AP2B1: variants seen among roughly 807,000 people sequenced by gnomAD.
AP2B1 encodes adaptor related protein complex 2 subunit beta 1.
AP2B1 carries 23 observed loss-of-function variants against 102.0 expected under a neutral mutation model. The observed-to-expected ratio is 0.23, with a 90% CI of 0.16 to 0.32. The LOEUF (loss-of-function observed/expected upper bound fraction) is 0.32. AP2B1 is among the 10% of genes least tolerant of loss of function. The pLI is 1.00. For synonymous variants in AP2B1, 381 were observed against 421.2 expected (o/e 0.90, Z 1.17); for missense variants, 541 against 1,157.4 (o/e 0.47, Z 7.73).
At position 35,644,852 on chromosome 17, in the gene AP2B1, C is replaced by T. The variant is rs1400575907; in HGVS notation, c.1536+2877C>T. On this transcript the variant is annotated intron_variant, in intron 12 of 21. Transcript: ENST00000610402. ...AATTCGACCAGCCTGTGCAACATGG[C>T]AAAATCCCATCTCTACAAAAAATAC... 3.9e-5 allele frequency among the ~76,000 whole-genome samples: 6 copies of T among 151,978 alleles called. No individual in the cohort carries two copies. In the East Asian group the frequency reaches 1.2e-3, roughly 29 times the overall value.
At chr17:35,611,328 A>G (rs1361957343) in intron 5 of AP2B1, among the ~76,000 whole-genome samples, 2 of 152,210 alleles carry the variant, frequency 1.3e-5, no homozygotes, top group African/African-American at 4.8e-5. Flanking sequence ...GGAATGGCTC[A>G]AAGGGAAAAT....
Position 35,676,791 on chromosome 17 carries a change from A to C in AP2B1, c.2324+2470A>C, listed in dbSNP as rs34184070. On this transcript the variant is annotated intron_variant, in intron 17 of 21. Transcript: ENST00000610402. ...ATTTTTTAAAATAAGCATATTGGTC[A>C]TATATATCTTTCACTTAAGTATCAG... Among the ~76,000 whole-genome samples the C allele has an allele frequency of 9.9e-5, 15 of 151,802 alleles. No individual in the cohort carries two copies. In the South Asian group the frequency reaches 2.7e-3, roughly 27 times the overall value.
At chr17:35,624,195 G>A (rs924154932) in intron 5 of AP2B1, among the ~76,000 whole-genome samples, 8 of 152,096 alleles carry the variant, frequency 5.3e-5, no homozygotes, top group African/African-American at 1.7e-4. Flanking sequence ...TTAATTCTGG[G>A]TTGCCTTACC....
chr17:35,634,373 C>G (rs192846582), intron 9 of AP2B1, among the ~76,000 whole-genome samples: 1 of 151,986 alleles, frequency 6.6e-6, no homozygotes, highest in Admixed American at 6.6e-5. Flanking sequence ...GCAAGAATAC[C>G]TATTGGGTGA....
chr17:35,603,804 T>C (rs1232945388), intron 3 of AP2B1, among the ~76,000 whole-genome samples: 1 of 152,218 alleles, frequency 6.6e-6, no homozygotes, highest in African/African-American at 2.4e-5. Context: ...TGAAGAATTA[T>C]TGTTCCTTTT....
intron 18 of AP2B1, among the ~76,000 whole-genome samples, chr17:35,700,715 T>G (rs1194419176): frequency 6.6e-6 from 1 of 152,220 alleles, no homozygotes; most frequent in African/African-American, 2.4e-5. Context: ...TGTCCCACCA[T>G]AAAGAGATTG....
intron 18 of AP2B1, among the ~76,000 whole-genome samples, chr17:35,696,790 A>G (rs1170563992): frequency 6.6e-6 from 1 of 152,116 alleles, no homozygotes; most frequent in Non-Finnish European, 1.5e-5. Flanking sequence ...TTTAATTACT[A>G]CTTAATTATT....
At position 35,691,686 on chromosome 17, in the gene AP2B1, G is replaced by A. The variant is rs865873642; in HGVS notation, c.2454+8862G>A. On this transcript the variant is annotated intron_variant, in intron 18 of 21. Transcript: ENST00000610402. Reference sequence around the variant, plus strand: ...CCCACGTCAGACAGTTGGATCCAGCGTTGGATCTACTATCCAAATGATCCC... The same window carrying A: ...CCCACGTCAGACAGTTGGATCCAGCATTGGATCTACTATCCAAATGATCCC... Among the ~76,000 whole-genome samples the A allele has an allele frequency of 4.6e-5, 7 of 152,276 alleles. No individual in the cohort carries two copies. In the South Asian group the frequency reaches 1.0e-3, roughly 23 times the overall value.
chr17:35,682,499 C>A (rs775627492), intron 17 of AP2B1, among the ~76,000 whole-genome samples, 196 bp from the exon 18 acceptor site: 24 of 151,792 alleles, frequency 1.6e-4, no homozygotes, highest in Non-Finnish European at 2.6e-4. Flanking sequence ...CCCGCCACCA[C>A]GCCCGGCTAA....
intron 18 of AP2B1, among the ~76,000 whole-genome samples, chr17:35,687,552 A>G (rs1432132023): frequency 6.7e-6 from 1 of 149,202 alleles, no homozygotes; most frequent in Non-Finnish European, 1.5e-5. Flanking sequence ...GTTTACATCA[A>G]TTTTTTTTTT....
chr17:35,677,178 T>A (rs2075721078), intron 17 of AP2B1, among the ~76,000 whole-genome samples: 2 of 152,252 alleles, frequency 1.3e-5, no homozygotes, highest in South Asian at 4.2e-4. Context: ...GTTGTAGAGA[T>A]GGGGTCCCAC....
In AP2B1 at chr17:35,662,706, C is replaced by G. The variant is rs535628696; in HGVS notation, c.1989+4915C>G. 3.3e-5 allele frequency among the ~76,000 whole-genome samples: 5 copies of G among 152,178 alleles called. No homozygotes were observed. In the South Asian group the frequency reaches 1.0e-3, roughly 32 times the overall value. On this transcript the variant is annotated intron_variant, in intron 14 of 21. Coordinates refer to ENST00000610402, the MANE Select transcript of AP2B1 (RefSeq NM_001030006.2). ...TGTTATGTGCTCATGAGTCTGACAT[C>G]TGCGAGGATCACTGAAGTAATAATT... is the stretch of plus-strand genomic sequence containing the variant.
intron 18 of AP2B1, among the ~76,000 whole-genome samples, chr17:35,695,646 T>C (rs1024161861): frequency 4.6e-5 from 7 of 152,160 alleles, no homozygotes; most frequent in African/African-American, 1.7e-4. Flanking sequence ...GACCAATCTT[T>C]TTTATTGGCC....
intron 11 of AP2B1, among the ~76,000 whole-genome samples, chr17:35,641,535 G>A (rs1447118706): frequency 6.6e-6 from 1 of 152,118 alleles, no homozygotes; most frequent in East Asian, 1.9e-4. Flanking sequence ...CTATGGATGT[G>A]CAGCCTGGGC....
At chr17:35,628,351 C>G (rs1226352128) in intron 9 of AP2B1, among the ~76,000 whole-genome samples, 2 of 152,154 alleles carry the variant, frequency 1.3e-5, no homozygotes, top group Non-Finnish European at 2.9e-5. Flanking sequence ...CCTGTAATCC[C>G]AGCACTTTGG....
intron 14 of AP2B1, among the ~76,000 whole-genome samples, chr17:35,661,255 C>G (rs1214445303): frequency 6.6e-6 from 1 of 152,080 alleles, no homozygotes; most frequent in Non-Finnish European, 1.5e-5. Flanking sequence ...AAAATACTAT[C>G]AATACTTGAG....
intron 18 of AP2B1, among the ~76,000 whole-genome samples, chr17:35,699,129 C>G (rs1390485996): frequency 2.6e-5 from 4 of 152,278 alleles, no homozygotes; most frequent in South Asian, 4.1e-4. Context: ...CTGTTGGCTT[C>G]CTTTCGAATC....
At chr17:35,715,118 A>T (rs1039912143) in intron 20 of AP2B1, among the ~76,000 whole-genome samples, 2 of 152,236 alleles carry the variant, frequency 1.3e-5, no homozygotes, top group Admixed American at 6.5e-5. Flanking sequence ...CGAATCACAC[A>T]TACTAATGTT....
At chr17:35,664,361 C>T (rs904641350) in intron 14 of AP2B1, among the ~76,000 whole-genome samples, 1 of 152,166 alleles carries the variant, frequency 6.6e-6, no homozygotes, top group Admixed American at 6.5e-5. Context: ...TCAAGTGATC[C>T]TCTAACCTCA....
Sources: gnomAD v4.1 joint callset for allele counts (sites outside exome capture counted in the v4.1 genomes callset) on GRCh38, gnomAD v4.1.1 for gene constraint, MANE v1.5 for transcripts, NCBI Gene and HGNC (gene_info 2026-07-23, HGNC 2026-07-21) for gene names.